KCNH8: variants seen among roughly 807,000 people sequenced by gnomAD.
The protein encoded by KCNH8 is voltage-gated delayed rectifier potassium channel KCNH8.
KCNH8 carries 70 observed loss-of-function variants against 103.6 expected under a neutral mutation model. The ratio of observed to expected loss-of-function variants is 0.68; its 90% CI spans 0.56 to 0.82. The LOEUF (loss-of-function observed/expected upper bound fraction) is 0.82. Among genes scored for constraint, KCNH8 ranks in the 40% least tolerant of loss-of-function variants. KCNH8 has a pLI of 0.00. For synonymous variants in KCNH8, 498 were observed against 489.4 expected (o/e 1.02, Z -0.23); for missense variants, 1,217 against 1,329.9 (o/e 0.92, Z 1.32).
At chr3:19,454,196 G>A (rs934758331) in intron 10 of KCNH8, among the ~76,000 whole-genome samples, 1 of 107,428 alleles carries the variant, frequency 9.3e-6, no homozygotes, top group African/African-American at 3.6e-5. Context: ...GTGTGTGTGT[G>A]TTTTCTTTCT....
chr3:19,482,988 T>C (rs866946352), intron 11 of KCNH8, among the ~76,000 whole-genome samples: 10 of 152,302 alleles, frequency 6.6e-5, no homozygotes, highest in African/African-American at 2.2e-4. Context: ...AGCTGTCTTG[T>C]GTCTAAGTAG....
Position 19,359,254 on chromosome 3 carries a change from C to T in KCNH8, c.811+11289C>T, listed in dbSNP as rs147743833. 8.4e-4 allele frequency among the ~76,000 whole-genome samples: 127 copies of T among 151,050 alleles called. 2 individuals are homozygous for T. In the East Asian group the frequency reaches 0.018, roughly 22 times the overall value. On this transcript the variant is annotated intron_variant, in intron 5 of 15. Coordinates refer to ENST00000328405, the MANE Select transcript of KCNH8 (RefSeq NM_144633.3). Reference sequence around the variant, plus strand: ...AATAGCTGAGATATAAAATTTAAGACGAAGATACTAATAGGGCTAGTAAGT... The same window carrying T: ...AATAGCTGAGATATAAAATTTAAGATGAAGATACTAATAGGGCTAGTAAGT...
intron 11 of KCNH8, among the ~76,000 whole-genome samples, chr3:19,500,558 G>C (rs938130325): frequency 2.0e-5 from 3 of 152,098 alleles, no homozygotes; most frequent in Non-Finnish European, 4.4e-5. Context: ...AAATGTAAAA[G>C]AACAGAAATT....
At chr3:19,512,945 T>G (rs1385578228) in intron 12 of KCNH8, 25 bp from the exon 13 acceptor site, 1 of 1,600,230 alleles carries the variant, frequency 6.2e-7, no homozygotes, top group Admixed American at 1.7e-5. Flanking sequence ...CAGTCTGTAC[T>G]AATTTATATT....
At chr3:19,481,509 T>A (rs901404471) in intron 11 of KCNH8, among the ~76,000 whole-genome samples, 1 of 152,182 alleles carries the variant, frequency 6.6e-6, no homozygotes, top group Non-Finnish European at 1.5e-5. Flanking sequence ...AAGACTGCCC[T>A]CTTCAAAACA....
intron 3 of KCNH8, among the ~76,000 whole-genome samples, chr3:19,309,601 G>A (rs1250912511): frequency 6.6e-6 from 1 of 151,896 alleles, no homozygotes; most frequent in African/African-American, 2.4e-5. Context: ...ATTCTATATA[G>A]TAAGATAGAG....
intron 5 of KCNH8, among the ~76,000 whole-genome samples, chr3:19,362,227 T>A (rs906120367): frequency 1.3e-5 from 2 of 151,786 alleles, no homozygotes; most frequent in African/African-American, 4.8e-5. Flanking sequence ...CACACAGGAG[T>A]CTTCATAAAG....
rs181318477 is a variant in KCNH8 at position 19,411,011 on chromosome 3, T to C, written c.1177+15700T>C. Among the ~76,000 whole-genome samples the C allele has an allele frequency of 4.6e-5, 7 of 152,102 alleles. No individual in the cohort carries two copies. The East Asian group carries it at 1.4e-3, about 29-fold the overall frequency. ...AGGCGAAGGGATTCTCCCTCACTCA[T>C]TCTATGAATCTAGCACACCCTAATA... is the stretch of plus-strand genomic sequence containing the variant. On this transcript the variant is annotated intron_variant, in intron 7 of 15. Transcript: ENST00000328405.
intron 11 of KCNH8, among the ~76,000 whole-genome samples, chr3:19,491,648 A>G (rs2068324367): frequency 6.6e-6 from 1 of 152,238 alleles, no homozygotes; most frequent in Non-Finnish European, 1.5e-5. Context: ...AGCAATGAAC[A>G]TATGAGTGAG....
rs552133132 is a variant in KCNH8, at chr3:19,451,891, T to C, written c.1825+487T>C. On this transcript the variant is annotated intron_variant, in intron 10 of 15. Transcript: ENST00000328405. ...CTCATAGCAGTCATTAACCTAATAC[T>C]GTCAAGGTGACTATAGGCTCTTTTT... Among the ~76,000 whole-genome samples, 62 of 152,286 alleles carry C rather than the reference T, an allele frequency of 4.1e-4. No individual in the cohort carries two copies. In the Middle Eastern group the frequency reaches 0.01, roughly 25 times the overall value.
At chr3:19,395,750 CT>C (rs1245796125) in intron 7 of KCNH8, among the ~76,000 whole-genome samples, 1 of 151,972 alleles carries the variant, frequency 6.6e-6, no homozygotes, top group African/African-American at 2.4e-5. Flanking sequence ...CCATCCTTCC[CT>C]TTACAAGGAG....
In KCNH8 at chr3:19,201,291, T is replaced by C. The variant is rs552892868; in HGVS notation, c.77-52363T>C. Among the ~76,000 whole-genome samples, 145 of 136,436 alleles carry C rather than the reference T, an allele frequency of 1.1e-3. 1 individual carries two copies. The highest frequency in any genetic ancestry group is 6.1e-4 in the Non-Finnish European group (39 of 63,882). 89.5% of individuals were successfully genotyped at this position (136,436 alleles called of 152,430 possible). ...AAGAAAATTATAGTAAATACTTATA[T>C]ACGCTGCTAACATTTTTAACACAAC... On this transcript the variant is annotated intron_variant, in intron 1 of 15. Transcript: ENST00000328405.
chr3:19,457,929 A>C (rs2067559493), intron 11 of KCNH8, among the ~76,000 whole-genome samples: 1 of 151,970 alleles, frequency 6.6e-6, no homozygotes, highest in South Asian at 2.1e-4. Context: ...GTTCAAGATG[A>C]CCAGTTTTGC....
At chr3:19,371,993 C>T (rs1396643133) in intron 5 of KCNH8, among the ~76,000 whole-genome samples, 2 of 151,850 alleles carry the variant, frequency 1.3e-5, no homozygotes, top group Admixed American at 6.6e-5. Flanking sequence ...GTACCAGTAC[C>T]ATGCTGTTTT....
intron 2 of KCNH8, among the ~76,000 whole-genome samples, chr3:19,270,062 T>G (rs968824001): frequency 6.6e-6 from 1 of 152,176 alleles, no homozygotes; most frequent in African/African-American, 2.4e-5. Context: ...TAATTCCTAG[T>G]GTACAGTAAT....
At chr3:19,377,374 G>C (rs770000917) in intron 5 of KCNH8, among the ~76,000 whole-genome samples, 2 of 152,126 alleles carry the variant, frequency 1.3e-5, no homozygotes, top group Non-Finnish European at 2.9e-5. Context: ...GAGAACACAT[G>C]GTCAATTTCA....
intron 9 of KCNH8, 171 bp from the exon 10 acceptor site, chr3:19,450,982 TCA>T: frequency 1.5e-6 from 1 of 647,476 alleles, no homozygotes; most frequent in Non-Finnish European, 2.7e-6. Context: ...AGCACATAAT[TCA>T]CAGTCACTGA....
At position 19,287,652 on chromosome 3, in the gene KCNH8, C is replaced by T. The variant is rs556774723; in HGVS notation, c.442+6323C>T. ...CCAGGCTGGAGTGCAGTGGCACAAT[C>T]TCGGCTCACTGCAACCTCCACCTCC... On this transcript the variant is annotated intron_variant, in intron 3 of 15. Transcript: ENST00000328405. Among the ~76,000 whole-genome samples, 14 of 152,238 alleles carry T rather than the reference C, an allele frequency of 9.2e-5. No homozygotes were observed. In the South Asian group the frequency reaches 2.7e-3, roughly 29 times the overall value.
intron 11 of KCNH8, among the ~76,000 whole-genome samples, chr3:19,491,891 T>C (rs543365921): frequency 5.3e-5 from 8 of 152,342 alleles, no homozygotes; most frequent in African/African-American, 1.7e-4. Flanking sequence ...TGGTATCTCA[T>C]TGTGATTTTG....
Sources: allele counts gnomAD v4.1 joint callset (sites outside exome capture counted in the v4.1 genomes callset), GRCh38; gene constraint gnomAD v4.1.1; transcripts MANE v1.5; gene names NCBI Gene and HGNC (gene_info 2026-07-23, HGNC 2026-07-21).